The following TAOK3 variants were observed in gnomAD, a reference collection of about 807,000 sequenced individuals.
TAOK3 encodes TAO kinase 3.
In TAOK3, 40 loss-of-function variants were observed where a neutral mutation model predicts 120.4. The ratio of observed to expected loss-of-function variants is 0.33; its 90% CI spans 0.26 to 0.43. The LOEUF is 0.43. Among genes scored for constraint, TAOK3 ranks in the 20% least tolerant of loss-of-function variants. The pLI, the probability that TAOK3 is intolerant of heterozygous loss-of-function variation, is 1.00. For synonymous variants in TAOK3, 355 were observed against 387.5 expected (o/e 0.92, Z 0.99); for missense variants, 821 against 1,112.1 (o/e 0.74, Z 3.72).
intron 9 of TAOK3, among the ~76,000 whole-genome samples, chr12:118,230,532 T>C (rs1441517834): frequency 7.8e-6 from 1 of 127,534 alleles, no homozygotes; most frequent in African/African-American, 3.0e-5. Context: ...AGTGCAGTGG[T>C]GCGATCTCTC....
intron 15 of TAOK3, among the ~76,000 whole-genome samples, chr12:118,180,470 G>T (rs2036642067): frequency 6.7e-6 from 1 of 148,550 alleles, no homozygotes; most frequent in Admixed American, 6.7e-5. Context: ...TGAACTCGTG[G>T]GCTCAAGAGA....
intron 9 of TAOK3, among the ~76,000 whole-genome samples, chr12:118,231,146 A>G (rs1176354162): frequency 6.6e-6 from 1 of 152,174 alleles, no homozygotes; most frequent in East Asian, 1.9e-4. Context: ...GGAAGTGTAT[A>G]TTCATGTTTG....
Position 118,350,908 on chromosome 12 carries a change from G to C in TAOK3, c.-194+21740C>G, listed in dbSNP as rs554345006. Among the ~76,000 whole-genome samples the C allele has an allele frequency of 1.8e-4, 28 of 151,738 alleles. No individual in the cohort carries two copies. The South Asian group carries it at 5.6e-3, about 31-fold the overall frequency. ...AAAGAAAAAAAAAAGGCCAGGTGTG[G>C]TGGTTCATGCCTGTAATCCCAGCAC... On this transcript the variant is annotated intron_variant, in intron 1 of 20. Coordinates refer to ENST00000392533, the MANE Select transcript of TAOK3 (RefSeq NM_016281.4).
intron 1 of TAOK3, among the ~76,000 whole-genome samples, chr12:118,342,815 T>TCCCA: frequency 1.3e-5 from 2 of 151,810 alleles, no homozygotes; most frequent in South Asian, 4.2e-4. Flanking sequence ...GTGCCTGTAG[T>TCCCA]CCCAGGTACT....
At chr12:118,309,821 G>A (rs929581859) in intron 1 of TAOK3, among the ~76,000 whole-genome samples, 2 of 152,000 alleles carry the variant, frequency 1.3e-5, no homozygotes, top group Admixed American at 1.3e-4. Flanking sequence ...CCGCCACATG[G>A]TGGTTTTCTT....
intron 15 of TAOK3, 66 bp from the exon 16 acceptor site, chr12:118,177,395 T>G: frequency 6.9e-7 from 1 of 1,454,052 alleles, no homozygotes; most frequent in Non-Finnish European, 9.6e-7. Flanking sequence ...TGATCTATAT[T>G]CTCCAGTGCA....
rs187811205 is a variant in TAOK3 at position 118,214,947 on chromosome 12, G to A, written c.644-837C>T. On this transcript the variant is annotated intron_variant, in intron 9 of 20. Transcript: ENST00000392533. ...TTTAGTAGAGATGGGGTTTCTCCACGTTGGTCAGGCTGGTCTTGAACTCCC... is the reference window on the plus strand; with the variant it reads ...TTTAGTAGAGATGGGGTTTCTCCACATTGGTCAGGCTGGTCTTGAACTCCC... Among the ~76,000 whole-genome samples the A allele has an allele frequency of 2.4e-3, 368 of 151,712 alleles. 1 individual carries two copies. The highest frequency in any genetic ancestry group is 8.6e-3 in the African/African-American group (356 of 41,442).
chr12:118,228,524 T>C (rs1220002143), intron 9 of TAOK3, among the ~76,000 whole-genome samples: 2 of 152,240 alleles, frequency 1.3e-5, no homozygotes, highest in Non-Finnish European at 2.9e-5. Context: ...ACCATCCTTG[T>C]ACTTTTGCAA....
chr12:118,195,762 T>C (rs1391325906), intron 13 of TAOK3, among the ~76,000 whole-genome samples: 1 of 152,150 alleles, frequency 6.6e-6, no homozygotes, highest in Non-Finnish European at 1.5e-5. Flanking sequence ...AAAAGAAGAC[T>C]GGATTGGGCC....
intron 2 of TAOK3, among the ~76,000 whole-genome samples, chr12:118,264,106 G>A (rs2041345151): frequency 6.6e-6 from 1 of 152,232 alleles, no homozygotes; most frequent in African/African-American, 2.4e-5. Context: ...AGCATATGGA[G>A]TGACTGTATC....
chr12:118,329,449 G>A (rs560838312), intron 1 of TAOK3, among the ~76,000 whole-genome samples: 2 of 152,050 alleles, frequency 1.3e-5, no homozygotes, highest in African/African-American at 4.8e-5. Context: ...CCATTTCAGA[G>A]TCTAATTAGG....
At chr12:118,363,497 T>A (rs2141309758) in intron 1 of TAOK3, among the ~76,000 whole-genome samples, 1 of 152,136 alleles carries the variant, frequency 6.6e-6, no homozygotes, top group East Asian at 1.9e-4. Flanking sequence ...TACAATGTAA[T>A]ATTAGAGAGT....
At chr12:118,327,203 T>C (rs2043969417) in intron 1 of TAOK3, among the ~76,000 whole-genome samples, 1 of 152,144 alleles carries the variant, frequency 6.6e-6, no homozygotes, top group African/African-American at 2.4e-5. Flanking sequence ...CTCCACCCTA[T>C]CACCACCATC....
chr12:118,203,479 T>G (rs1002761564), intron 11 of TAOK3, among the ~76,000 whole-genome samples: 7 of 151,142 alleles, frequency 4.6e-5, no homozygotes, highest in South Asian at 4.2e-4. Context: ...CTGAGGCGGG[T>G]GGATTACTGG....
chr12:118,179,245 G>A (rs1593055874), intron 15 of TAOK3, among the ~76,000 whole-genome samples: 1 of 152,136 alleles, frequency 6.6e-6, no homozygotes, highest in East Asian at 1.9e-4. Context: ...GCTCAATTAT[G>A]GAAACACCCT....
intron 1 of TAOK3, among the ~76,000 whole-genome samples, chr12:118,318,218 C>T (rs982571896): frequency 2.7e-5 from 4 of 149,220 alleles, no homozygotes; most frequent in East Asian, 2.0e-4. Flanking sequence ...AGCGCAATGA[C>T]GCGATCTTGG....
intron 9 of TAOK3, among the ~76,000 whole-genome samples, chr12:118,220,564 C>G (rs2039180817): frequency 6.6e-6 from 1 of 151,488 alleles, no homozygotes; most frequent in Admixed American, 6.6e-5. Context: ...CCCAGCTTCT[C>G]AGAACACTGA....
chr12:118,154,783 C>A (rs2034689679), intron 19 of TAOK3, among the ~76,000 whole-genome samples: 1 of 152,218 alleles, frequency 6.6e-6, no homozygotes, highest in Non-Finnish European at 1.5e-5. Flanking sequence ...TATGTCTGAT[C>A]TTTACAGTGG....
chr12:118,279,445 T>A (rs1036746670), intron 1 of TAOK3, among the ~76,000 whole-genome samples: 3 of 152,218 alleles, frequency 2.0e-5, no homozygotes, highest in South Asian at 2.1e-4. Context: ...TTTTATTTTT[T>A]TTTTGCAATT....
Sources: gnomAD v4.1 joint callset for allele counts (sites outside exome capture counted in the v4.1 genomes callset) on GRCh38, gnomAD v4.1.1 for gene constraint, MANE v1.5 for transcripts, NCBI Gene and HGNC (gene_info 2026-07-23, HGNC 2026-07-21) for gene names.